RBFOX1: variants seen among roughly 807,000 people sequenced by gnomAD.
The protein encoded by RBFOX1 is RNA binding protein fox-1 homolog 1.
RBFOX1 carries 8 observed loss-of-function variants against 57.7 expected under a neutral mutation model. The observed-to-expected ratio is 0.14, with a 90% CI of 0.08 to 0.25. The LOEUF is 0.25. Ranked by LOEUF, RBFOX1 falls within the 10% of genes least tolerant of loss-of-function variation. RBFOX1 has a pLI of 1.00. For missense variants in RBFOX1, 611 were observed against 548.5 expected (o/e 1.11, Z -1.14); for synonymous variants, 326 against 222.4 (o/e 1.47, Z -4.15).
chr16:5,834,776 TG>T (rs2056404785), intron 3 of RBFOX1, among the ~76,000 whole-genome samples: 1 of 147,674 alleles, frequency 6.8e-6, no homozygotes, highest in Non-Finnish European at 1.5e-5. Flanking sequence ...CATGCACAGA[TG>T]ATAGATAGAT....
At chr16:5,934,415 A>G (rs1349999756) in intron 4 of RBFOX1, among the ~76,000 whole-genome samples, 2 of 152,188 alleles carry the variant, frequency 1.3e-5, no homozygotes, top group Non-Finnish European at 2.9e-5. Context: ...TCCTTTCTAA[A>G]TCTATTACTT....
intron 5 of RBFOX1, among the ~76,000 whole-genome samples, chr16:7,555,913 A>T (rs2088284949): frequency 6.6e-6 from 1 of 152,144 alleles, no homozygotes; most frequent in Non-Finnish European, 1.5e-5. Flanking sequence ...GTTATGCTTC[A>T]TCTTCCTCCT....
chr16:5,650,491 T>A (rs1046779199), intron 3 of RBFOX1, among the ~76,000 whole-genome samples: 5 of 152,200 alleles, frequency 3.3e-5, no homozygotes, highest in Non-Finnish European at 7.3e-5. Flanking sequence ...TTCCTGCTAT[T>A]AAACGGGAGT....
chr16:5,581,367 C>G (rs1205956738), intron 2 of RBFOX1, among the ~76,000 whole-genome samples: 1 of 152,192 alleles, frequency 6.6e-6, no homozygotes, highest in Non-Finnish European at 1.5e-5. Flanking sequence ...ATTAAACACT[C>G]TTTTGTCCAA....
At chr16:6,010,173 G>A (rs1472671354) in intron 4 of RBFOX1, among the ~76,000 whole-genome samples, 1 of 152,016 alleles carries the variant, frequency 6.6e-6, no homozygotes, top group Non-Finnish European at 1.5e-5. Flanking sequence ...CATGCAGGCT[G>A]GACTTCCAAA....
intron 4 of RBFOX1, among the ~76,000 whole-genome samples, chr16:5,887,023 A>G (rs1447442743): frequency 6.6e-6 from 1 of 152,094 alleles, no homozygotes; most frequent in African/African-American, 2.4e-5. Context: ...TGCATTGCAG[A>G]ATGTTTACCA....
chr16:6,950,653 G>A (rs1436152462), intron 3 of RBFOX1, among the ~76,000 whole-genome samples: 2 of 152,118 alleles, frequency 1.3e-5, no homozygotes, highest in African/African-American at 4.8e-5. Context: ...CTCTCTCAAG[G>A]ATGCAGAAAG....
chr16:5,318,191 C>T (rs916809254), intron 1 of RBFOX1, among the ~76,000 whole-genome samples: 108 of 152,222 alleles, frequency 7.1e-4, no homozygotes, highest in East Asian at 5.8e-4. Flanking sequence ...TGCAGTGACA[C>T]GATCTCGGCT....
Position 5,471,268 on chromosome 16 carries a change from C to G in RBFOX1, c.258+4014C>G, listed in dbSNP as rs372079072. Reference sequence around the variant, plus strand: ...GAATTCCTATTGAGGAAATGGCGTTCTGTTCCTCTTTGAAGAGAGGCTCAG... The same window carrying G: ...GAATTCCTATTGAGGAAATGGCGTTGTGTTCCTCTTTGAAGAGAGGCTCAG... On this transcript the variant is annotated intron_variant, in intron 2 of 2. Coordinates refer to the RBFOX1 transcript ENST00000585867. Among the ~76,000 whole-genome samples the G allele has an allele frequency of 3.9e-5, 6 of 152,222 alleles. No homozygotes were observed. In the East Asian group the frequency reaches 5.8e-4, roughly 15 times the overall value.
chr16:6,795,002 C>T (rs1319390434), intron 3 of RBFOX1, among the ~76,000 whole-genome samples: 1 of 152,128 alleles, frequency 6.6e-6, no homozygotes, highest in Non-Finnish European at 1.5e-5. Flanking sequence ...ATTCACATCT[C>T]CTGACAGTCA....
At chr16:5,850,383 G>A (rs956565239) in intron 3 of RBFOX1, among the ~76,000 whole-genome samples, 12 of 152,140 alleles carry the variant, frequency 7.9e-5, no homozygotes, top group Admixed American at 5.9e-4. Flanking sequence ...CATGTCCTTC[G>A]AACCAGTAAC....
intron 4 of RBFOX1, among the ~76,000 whole-genome samples, chr16:7,299,881 T>C (rs572317630): frequency 1.3e-5 from 2 of 152,308 alleles, no homozygotes; most frequent in African/African-American, 4.8e-5. Context: ...GAAAATATCA[T>C]AAGTAGAAAT....
intron 3 of RBFOX1, among the ~76,000 whole-genome samples, chr16:6,770,366 T>C (rs2078082239): frequency 6.6e-6 from 1 of 152,174 alleles, no homozygotes; most frequent in Non-Finnish European, 1.5e-5. Flanking sequence ...AACTGCAGCC[T>C]GTGGGCCACA....
At chr16:6,075,590 G>C (rs141478344) in intron 1 of RBFOX1, among the ~76,000 whole-genome samples, 1 of 152,154 alleles carries the variant, frequency 6.6e-6, no homozygotes, top group African/African-American at 2.4e-5. Flanking sequence ...TGTAATTCTT[G>C]TTACACATAC....
intron 1 of RBFOX1, among the ~76,000 whole-genome samples, chr16:5,251,980 T>C (rs2062463740): frequency 6.6e-6 from 1 of 152,078 alleles, no homozygotes; most frequent in South Asian, 2.1e-4. Context: ...GGTCTGGGGC[T>C]GTGCTGTGTA....
chr16:6,506,771 C>G (rs367988198), intron 2 of RBFOX1, among the ~76,000 whole-genome samples: 1 of 151,416 alleles, frequency 6.6e-6, no homozygotes, highest in Non-Finnish European at 1.5e-5. Flanking sequence ...CTTACCCTCC[C>G]AAGAAGCTGG....
intron 2 of RBFOX1, among the ~76,000 whole-genome samples, chr16:6,341,613 T>C (rs1203277584): frequency 6.6e-6 from 1 of 152,150 alleles, no homozygotes; most frequent in Non-Finnish European, 1.5e-5. Flanking sequence ...TAATCCTTTA[T>C]CACAAACCCT....
At position 5,757,922 on chromosome 16, in the gene RBFOX1, G is replaced by C. The variant is rs1050877545; in HGVS notation, c.319-109381G>C. Among the ~76,000 whole-genome samples the C allele has an allele frequency of 2.2e-4, 34 of 152,214 alleles. 1 individual carries two copies. Among genetic ancestry groups the C allele is most frequent in the Middle Eastern group, 3.4e-3 (1 of 294 alleles). ...TAAATCTTTCCCCTTCACTACTCTCGCTGGTCATCACCACTGTAGCTGACC... is the reference window on the plus strand; with the variant it reads ...TAAATCTTTCCCCTTCACTACTCTCCCTGGTCATCACCACTGTAGCTGACC... On this transcript the variant is annotated intron_variant, in intron 3 of 19. Transcript: ENST00000641259.
intron 12 of RBFOX1, among the ~76,000 whole-genome samples, chr16:7,663,879 G>C (rs372758592): frequency 2.6e-5 from 4 of 152,102 alleles, no homozygotes; most frequent in East Asian, 1.9e-4. Context: ...AGTTTCTCAC[G>C]ACCACGTAGC....
Sources: allele counts gnomAD v4.1 joint callset (sites outside exome capture counted in the v4.1 genomes callset), GRCh38; gene constraint gnomAD v4.1.1; transcripts MANE v1.5; gene names NCBI Gene and HGNC (gene_info 2026-07-23, HGNC 2026-07-21).